The following FAM178B variants were observed in gnomAD, a reference collection of about 807,000 sequenced individuals.
FAM178B encodes protein FAM178B.
A neutral mutation model predicts 91.7 loss-of-function variants in FAM178B; 82 were observed. The ratio of observed to expected loss-of-function variants is 0.89; its 90% CI spans 0.75 to 1.07. FAM178B has a LOEUF of 1.07. FAM178B is among the 50% of genes least tolerant of loss of function. FAM178B has a pLI of 0.00. For synonymous variants in FAM178B, 368 were observed against 359.4 expected, an observed-to-expected ratio of 1.02 and a Z score of -0.27; for missense variants, 769 against 846.7, an observed-to-expected ratio of 0.91 and a Z score of 1.14.
chr2:96,898,899 G>A (rs1335235132), intron 13 of FAM178B, among the ~76,000 whole-genome samples: 1 of 152,252 alleles, frequency 6.6e-6, no homozygotes, highest in Non-Finnish European at 1.5e-5. Context: ...AGGGCAGGCA[G>A]GGCCTGTGAG....
At position 96,903,992 on chromosome 2, in the gene FAM178B, C is replaced by T. The variant is rs371951332; in HGVS notation, c.1563-1285G>A. ...GCACCGCACCCCAGAAGAGCCAACA[C>T]GAGCTGGGGCCATGCCAGGTGCTGG... On this transcript the variant is annotated intron_variant, in intron 12 of 16. Transcript: ENST00000490605. Among the ~76,000 whole-genome samples, 36 of 152,264 alleles carry T rather than the reference C, an allele frequency of 2.4e-4. No homozygotes were observed. The East Asian group carries it at 2.7e-3, about 11-fold the overall frequency.
At position 96,933,578 on chromosome 2, in the gene FAM178B, C is replaced by A. The variant is rs368995616; in HGVS notation, c.1079-4258G>T. Among the ~76,000 whole-genome samples the A allele has an allele frequency of 6.6e-5, 10 of 152,342 alleles. No homozygotes were observed. In the South Asian group the frequency reaches 1.0e-3, roughly 16 times the overall value. On this transcript the variant is annotated intron_variant, in intron 8 of 16. Coordinates refer to ENST00000490605, the MANE Select transcript of FAM178B (RefSeq NM_001122646.3). Reference sequence around the variant, plus strand: ...GCTCCAAGACCTGGCTCCTGCCCCCCTTCTGGGCCTCCCTCGTGCCCTGAG... The same window carrying A: ...GCTCCAAGACCTGGCTCCTGCCCCCATTCTGGGCCTCCCTCGTGCCCTGAG...
At chr2:96,979,802 T>C (rs895918115) in intron 1 of FAM178B, among the ~76,000 whole-genome samples, 1 of 152,224 alleles carries the variant, frequency 6.6e-6, no homozygotes, top group African/African-American at 2.4e-5. Flanking sequence ...TTGCTATTTT[T>C]TGACTTTTGA....
chr2:96,977,057 T>A (rs2082297646), intron 1 of FAM178B, among the ~76,000 whole-genome samples: 1 of 150,860 alleles, frequency 6.6e-6, no homozygotes, highest in Admixed American at 6.6e-5. Flanking sequence ...TAGCTGGGCG[T>A]GGTGGCAGGC....
intron 12 of FAM178B, among the ~76,000 whole-genome samples, chr2:96,908,366 G>C (rs1356786476): frequency 2.6e-5 from 4 of 152,244 alleles, no homozygotes; most frequent in African/African-American, 9.6e-5. Context: ...ACCCAAGGGA[G>C]AATGCTCTGC....
At chr2:96,967,154 A>C (rs2153375416) in intron 5 of FAM178B, among the ~76,000 whole-genome samples, 1 of 152,354 alleles carries the variant, frequency 6.6e-6, no homozygotes, top group Non-Finnish European at 1.5e-5. Context: ...AGTTAGGGGA[A>C]GATGAAAAAT....
At chr2:96,900,994 C>T (rs1160181195) in intron 13 of FAM178B, among the ~76,000 whole-genome samples, 3 of 152,078 alleles carry the variant, frequency 2.0e-5, no homozygotes, top group Non-Finnish European at 4.4e-5. Flanking sequence ...AGCTCTTCTC[C>T]CAGGATTCCA....
intron 16 of FAM178B, 80 bp downstream of exon 16, chr2:96,877,810 T>C: frequency 7.1e-6 from 10 of 1,398,790 alleles, no homozygotes; most frequent in Non-Finnish European, 9.7e-6. Context: ...GCAGCGGGGG[T>C]GGATGTGCTG....
At chr2:96,979,059 C>T (rs1250197095) in intron 1 of FAM178B, among the ~76,000 whole-genome samples, 1 of 149,494 alleles carries the variant, frequency 6.7e-6, no homozygotes, top group African/African-American at 2.5e-5. Context: ...TCACTGCAAC[C>T]TCCACCTCCC....
chr2:96,958,147 C>T (rs1455545363), intron 6 of FAM178B, among the ~76,000 whole-genome samples: 1 of 149,484 alleles, frequency 6.7e-6, no homozygotes, highest in African/African-American at 2.5e-5. Context: ...CAGCTCACTG[C>T]AAGCTCCGCC....
At chr2:96,982,374 C>T (rs1264175961) in intron 1 of FAM178B, among the ~76,000 whole-genome samples, 1 of 152,096 alleles carries the variant, frequency 6.6e-6, no homozygotes, top group Non-Finnish European at 1.5e-5. Flanking sequence ...GTCATCCTCC[C>T]ACCTCAGCTT....
chr2:96,881,649 A>T (rs1470197338), intron 14 of FAM178B, among the ~76,000 whole-genome samples: 1 of 149,166 alleles, frequency 6.7e-6, no homozygotes, highest in East Asian at 2.0e-4. Context: ...AGGGAGGAAA[A>T]ATCTGTCAGT....
intron 6 of FAM178B, among the ~76,000 whole-genome samples, chr2:96,956,462 A>G (rs2082001374): frequency 6.6e-6 from 1 of 152,192 alleles, no homozygotes; most frequent in Admixed American, 6.5e-5. Flanking sequence ...AAGCCCACCC[A>G]AGCTCGCTCT....
chr2:96,926,544 C>G (rs1270091688), intron 9 of FAM178B, among the ~76,000 whole-genome samples: 1 of 152,196 alleles, frequency 6.6e-6, no homozygotes, highest in Non-Finnish European at 1.5e-5. Flanking sequence ...GCATGAGCCC[C>G]TCTGAGGATG....
At chr2:96,883,991 C>T (rs1484680325) in intron 14 of FAM178B, among the ~76,000 whole-genome samples, 6 of 152,198 alleles carry the variant, frequency 3.9e-5, no homozygotes, top group Non-Finnish European at 5.9e-5. Context: ...GACTGAAGAT[C>T]GACTCTAGAG....
intron 8 of FAM178B, among the ~76,000 whole-genome samples, chr2:96,929,727 C>G (rs774311357): frequency 6.6e-6 from 1 of 152,212 alleles, no homozygotes; most frequent in African/African-American, 2.4e-5. Flanking sequence ...TGCAAAGCAC[C>G]GAGGCTGACA....
chr2:96,981,185 C>T (rs567566551), intron 1 of FAM178B, among the ~76,000 whole-genome samples: 2 of 152,082 alleles, frequency 1.3e-5, no homozygotes, highest in Admixed American at 6.6e-5. Flanking sequence ...GGGCTAGTCT[C>T]GAACTCCTGG....
At chr2:96,951,528 C>T in intron 6 of FAM178B, 44 bp from the exon 7 acceptor site, 2 of 1,460,408 alleles carry the variant, frequency 1.4e-6, no homozygotes, top group Non-Finnish European at 1.9e-6. Flanking sequence ...TCTGTGCCAG[C>T]ACACTTGTCT....
chr2:96,902,481 G>A (rs1026291578), intron 13 of FAM178B, 139 bp downstream of exon 13: 8 of 639,580 alleles, frequency 1.3e-5, no homozygotes, highest in African/African-American at 1.8e-5. Context: ...GCATGCAAGC[G>A]GTAATTCTTG....
Sources: allele counts gnomAD v4.1 joint callset (sites outside exome capture counted in the v4.1 genomes callset), GRCh38; gene constraint gnomAD v4.1.1; transcripts MANE v1.5; gene names NCBI Gene and HGNC (gene_info 2026-07-23, HGNC 2026-07-21).